The following IQCK variants were observed in gnomAD, a reference collection of about 807,000 sequenced individuals.
The protein encoded by IQCK is IQ domain-containing protein K.
A neutral mutation model predicts 28.1 loss-of-function variants in IQCK; 29 were observed. The ratio of observed to expected loss-of-function variants is 1.03; its 90% CI spans 0.77 to 1.41. The LOEUF (loss-of-function observed/expected upper bound fraction) is 1.41, where lower values mean the gene tolerates loss of function less well. Among genes scored for constraint, IQCK ranks in the 40% most tolerant of loss-of-function variants. The pLI is 0.00. For missense variants in IQCK, 359 were observed against 314.7 expected (o/e 1.14, Z -1.07); for synonymous variants, 113 against 115.1 (o/e 0.98, Z 0.12).
At chr16:19,731,615 C>T (rs1335297773) in intron 2 of IQCK, among the ~76,000 whole-genome samples, 2 of 152,046 alleles carry the variant, frequency 1.3e-5, no homozygotes, top group Non-Finnish European at 1.5e-5. Context: ...GTGCTATGAT[C>T]TTCTTGACCC....
intron 7 of IQCK, among the ~76,000 whole-genome samples, chr16:19,824,934 C>T (rs975985121): frequency 6.6e-6 from 1 of 152,160 alleles, no homozygotes; most frequent in African/African-American, 2.4e-5. Context: ...AACTCTAGTT[C>T]GTCCTTCAAA....
intron 1 of IQCK, among the ~76,000 whole-genome samples, chr16:19,723,841 T>C (rs192829746): frequency 3.5e-4 from 53 of 151,904 alleles, no homozygotes; most frequent in Non-Finnish European, 1.0e-4. Context: ...GCACCTGTAG[T>C]CCCAGCTACT....
intron 6 of IQCK, among the ~76,000 whole-genome samples, chr16:19,764,958 C>CA (rs2055208267): frequency 7.0e-6 from 1 of 143,604 alleles, no homozygotes. Flanking sequence ...CTCAGCCTCC[C>CA]AAAGTGCTGG....
chr16:19,805,071 T>C (rs1380963449), intron 7 of IQCK, among the ~76,000 whole-genome samples: 1 of 151,992 alleles, frequency 6.6e-6, no homozygotes, highest in Non-Finnish European at 1.5e-5. Flanking sequence ...TTTCCTCCCT[T>C]TGTGTGAGCT....
At chr16:19,824,267 A>C (rs1278649754) in intron 7 of IQCK, among the ~76,000 whole-genome samples, 1 of 152,190 alleles carries the variant, frequency 6.6e-6, no homozygotes, top group Non-Finnish European at 1.5e-5. Flanking sequence ...TTAGATTCTC[A>C]TAAGGAACAT....
intron 9 of IQCK, among the ~76,000 whole-genome samples, chr16:19,839,154 T>G (rs2056334969): frequency 6.6e-6 from 1 of 151,526 alleles, no homozygotes. Flanking sequence ...AATTTATTTA[T>G]TTATTTATTT....
chr16:19,733,593 C>A, intron 2 of IQCK, 105 bp from the exon 3 acceptor site: 1 of 1,363,468 alleles, frequency 7.3e-7, no homozygotes, highest in Non-Finnish European at 1.0e-6. Context: ...CCCCTTGAAC[C>A]TTAAAGTCTG....
intron 4 of IQCK, among the ~76,000 whole-genome samples, chr16:19,739,283 A>T (rs1166552340): frequency 2.0e-5 from 3 of 151,966 alleles, no homozygotes; most frequent in South Asian, 4.1e-4. Context: ...CTCAGTCCCC[A>T]CTCTTTCTCC....
chr16:19,826,442 A>T (rs1433071523), intron 7 of IQCK, among the ~76,000 whole-genome samples: 1 of 152,188 alleles, frequency 6.6e-6, no homozygotes, highest in East Asian at 1.9e-4. Context: ...GCAATGGCAC[A>T]ATCTCAGTTC....
intron 4 of IQCK, chr16:19,736,169 G>C (rs1010700966): frequency 1.3e-5 from 6 of 455,656 alleles, no homozygotes; most frequent in Admixed American, 2.4e-5. Context: ...AATGTAAACT[G>C]CTCGCAGAGA....
intron 9 of IQCK, among the ~76,000 whole-genome samples, chr16:19,832,385 A>AGGGG (rs1425735726): frequency 6.6e-6 from 1 of 151,920 alleles, no homozygotes; most frequent in African/African-American, 2.4e-5. Context: ...AGAGACTTGG[A>AGGGG]GAGATTGATC....
intron 1 of IQCK, 88 bp from the exon 2 acceptor site, chr16:19,730,342 T>G: frequency 1.0e-6 from 1 of 999,014 alleles, no homozygotes; most frequent in Non-Finnish European, 1.5e-6. Context: ...AAAATAAAAT[T>G]TAAGAATGTT....
At chr16:19,848,676 C>T (rs1347093624) in intron 9 of IQCK, among the ~76,000 whole-genome samples, 1 of 152,096 alleles carries the variant, frequency 6.6e-6, no homozygotes, top group Non-Finnish European at 1.5e-5. Flanking sequence ...CATCTTTAAT[C>T]TTCATAAGGA....
chr16:19,779,197 A>C (rs1294281620), intron 6 of IQCK, among the ~76,000 whole-genome samples: 1 of 152,176 alleles, frequency 6.6e-6, no homozygotes, highest in South Asian at 2.1e-4. Context: ...TGGGGTATTC[A>C]CTGAAATCAA....
intron 9 of IQCK, among the ~76,000 whole-genome samples, chr16:19,847,723 G>C (rs2141119461): frequency 6.6e-6 from 1 of 152,344 alleles, no homozygotes; most frequent in South Asian, 2.1e-4. Context: ...GTCACAAGCT[G>C]TGAATCCAGT....
At chr16:19,809,357 G>A (rs2055873199) in intron 7 of IQCK, among the ~76,000 whole-genome samples, 1 of 152,210 alleles carries the variant, frequency 6.6e-6, no homozygotes, top group Non-Finnish European at 1.5e-5. Context: ...ACTCGATCAT[G>A]TAGCTACATT....
At chr16:19,832,084 A>G (rs141323669), downstream of IQCK, among the ~76,000 whole-genome samples, 42 of 152,176 alleles carry the variant, frequency 2.8e-4, no homozygotes, top group East Asian at 7.1e-3. Flanking sequence ...GATTAATAGC[A>G]TATTTTTAGC....
chr16:19,771,809 G>A (rs1057073411), intron 6 of IQCK, among the ~76,000 whole-genome samples: 1 of 152,156 alleles, frequency 6.6e-6, no homozygotes, highest in Non-Finnish European at 1.5e-5. Flanking sequence ...TTCATGGTGG[G>A]TGCTGTCACT....
chr16:19,835,094 G>A (rs1028762990), intron 9 of IQCK, among the ~76,000 whole-genome samples: 20 of 152,052 alleles, frequency 1.3e-4, no homozygotes, highest in Admixed American at 3.9e-4. Flanking sequence ...GTGAAACCCC[G>A]TCTCTACTAA....
Sources: gnomAD v4.1 joint callset for allele counts (sites outside exome capture counted in the v4.1 genomes callset) on GRCh38, gnomAD v4.1.1 for gene constraint, MANE v1.5 for transcripts, NCBI Gene and HGNC (gene_info 2026-07-23, HGNC 2026-07-21) for gene names.